IPO8: variants seen among roughly 807,000 people sequenced by gnomAD.
IPO8 encodes the protein importin 8, also known as importin-8.
Under a neutral mutation model 141.2 loss-of-function variants are expected in IPO8, and 65 were observed. That is an observed-to-expected ratio of 0.46 (90% CI 0.38 to 0.57). The LOEUF is 0.57. IPO8 is among the 20% of genes least tolerant of loss of function. The probability of loss-of-function intolerance (pLI) is 0.00; values close to 1 mark genes in which losing one functional copy is unlikely to be tolerated. For synonymous variants in IPO8, 411 were observed against 420.3 expected, an observed-to-expected ratio of 0.98 and a Z score of 0.27; for missense variants, 980 against 1,246.8, an observed-to-expected ratio of 0.79 and a Z score of 3.22.
chr12:30,634,024 A>T, intron 23 of IPO8, 59 bp downstream of exon 23: 1 of 1,470,528 alleles, frequency 6.8e-7, no homozygotes, highest in Non-Finnish European at 9.4e-7. Context: ...AAACAGGAAG[A>T]AATGAAGAAA....
intron 17 of IPO8, among the ~76,000 whole-genome samples, chr12:30,654,284 A>T (rs1351423863): frequency 6.6e-6 from 1 of 151,808 alleles, no homozygotes; most frequent in Non-Finnish European, 1.5e-5. Flanking sequence ...CTTCACGGAA[A>T]CTTGGAACAC....
chr12:30,669,266 A>C lies in IPO8; in HGVS notation c.1061T>G (p.Val354Gly). 1 of 1,569,692 alleles carries C rather than the reference A, an allele frequency of 6.4e-7. No individual in the cohort carries two copies. Among genetic ancestry groups the C allele is most frequent in the Non-Finnish European group, 8.7e-7 (1 of 1,154,664 alleles). The change falls in exon 10 of 25, where the codon GTG (valine) becomes GGG (glycine). Residue 354 changes from valine to glycine, a missense_variant. By Grantham distance (109) the Val-to-Gly change is moderately radical (BLOSUM62 -3). Coordinates refer to ENST00000256079, the MANE Select transcript of IPO8 (RefSeq NM_006390.4). ...TTTATAACACATCACAGAAAAAATC[A>C]CATCTTCAGAGATATTCTAAAATGA... ...KPHIQNISED[V>G]IFSVMCYKDE...
chr12:30,666,387 G>A (rs1565503230), intron 10 of IPO8, 136 bp from the exon 11 acceptor site: 6 of 513,178 alleles, frequency 1.2e-5, no homozygotes, highest in Non-Finnish European at 2.0e-5. Context: ...GTACTAAAAA[G>A]GTAAGGATAT....
At chr12:30,693,002 TG>T (rs2136178776) in intron 1 of IPO8, among the ~76,000 whole-genome samples, 1 of 152,344 alleles carries the variant, frequency 6.6e-6, no homozygotes, top group East Asian at 1.9e-4. Context: ...AATATTTCTG[TG>T]CTATTTACAT....
chr12:30,654,259 AAC>A (rs2052766765), intron 17 of IPO8, among the ~76,000 whole-genome samples: 2 of 152,162 alleles, frequency 1.3e-5, no homozygotes, highest in South Asian at 2.1e-4. Flanking sequence ...ACTAGAAAAA[AAC>A]ACAGGGGAAA....
chr12:30,694,784 T>C (rs1454561801), intron 1 of IPO8, among the ~76,000 whole-genome samples: 1 of 152,178 alleles, frequency 6.6e-6, no homozygotes, highest in African/African-American at 2.4e-5. Flanking sequence ...CCCTACTTTT[T>C]AGTAAGAGGT....
chr12:30,673,325 TTCC>T (rs2053077028), intron 8 of IPO8, among the ~76,000 whole-genome samples: 3 of 152,188 alleles, frequency 2.0e-5, no homozygotes, highest in Admixed American at 1.3e-4. Flanking sequence ...TAGTCTTTGC[TTCC>T]TCAATATGGT....
chr12:30,694,927 G>GT (rs2053322891), intron 1 of IPO8: 2 of 452,132 alleles, frequency 4.4e-6, no homozygotes, highest in African/African-American at 2.0e-5. Context: ...AGAAAAGAAA[G>GT]AAGTCTTACA....
intron 20 of IPO8, among the ~76,000 whole-genome samples, chr12:30,648,851 ATC>A (rs2052684612): frequency 6.6e-6 from 1 of 152,104 alleles, no homozygotes; most frequent in African/African-American, 2.4e-5. Flanking sequence ...GGAACATGAA[ATC>A]TCTGAGACTC....
intron 8 of IPO8, among the ~76,000 whole-genome samples, chr12:30,673,167 G>T (rs1042052321): frequency 6.6e-6 from 1 of 151,902 alleles, no homozygotes; most frequent in Non-Finnish European, 1.5e-5. Flanking sequence ...GCTGAGGCAG[G>T]AGAATTGCTT....
At chr12:30,633,986 A>G (rs2052467784) in intron 23 of IPO8, 97 bp downstream of exon 23, 3 of 1,114,734 alleles carry the variant, frequency 2.7e-6, no homozygotes, top group Admixed American at 2.6e-5. Flanking sequence ...TTTTTAAAAG[A>G]ACCTAGACCA....
Position 30,695,506 on chromosome 12 carries a change from G to C in IPO8, c.84+58C>G. 4.0e-6 allele frequency: 6 copies of C among 1,510,908 alleles called. No homozygotes were observed. The highest frequency in any genetic ancestry group is 5.5e-6 in the Non-Finnish European group (6 of 1,089,850). The allele number at this position is 1,510,908 out of a possible 1,614,324, so 93.6% of individuals were successfully genotyped here. On this transcript the variant is annotated intron_variant, in intron 1 of 24. Coordinates refer to ENST00000256079, the MANE Select transcript of IPO8 (RefSeq NM_006390.4). This position sits in a 1 kb window ranked among gnomAD's most constrained non-coding sequence, Gnocchi z 4.2. Reference sequence around the variant, plus strand: ...AGGGGCGCCGGGGAGAGGGAGCCCGGCCAGCCGGCAGGGGCGCCCCTTCGG... The same window carrying C: ...AGGGGCGCCGGGGAGAGGGAGCCCGCCCAGCCGGCAGGGGCGCCCCTTCGG...
At chr12:30,639,944 C>T (rs752086519) in intron 20 of IPO8, among the ~76,000 whole-genome samples, 9 of 152,144 alleles carry the variant, frequency 5.9e-5, no homozygotes, top group Non-Finnish European at 1.0e-4. Flanking sequence ...TATAGCAGTG[C>T]CAGAAAATCT....
chr12:30,645,874 A>C (rs2052638505), intron 20 of IPO8, among the ~76,000 whole-genome samples: 2 of 152,184 alleles, frequency 1.3e-5, no homozygotes, highest in South Asian at 4.1e-4. Flanking sequence ...ACCGAAAACA[A>C]AACAAAACAA....
chr12:30,671,674 CAAAAAAAAAAA>C (rs71052423), intron 8 of IPO8, among the ~76,000 whole-genome samples: 36 of 56,478 alleles, frequency 6.4e-4, no homozygotes, highest in Non-Finnish European at 9.8e-4. Context: ...GACTCTGCCT[CAAAAAAAAAAA>C]AAAAAAAAAA....
chr12:30,636,975 A>T lies in IPO8; in HGVS notation c.2695+7T>A, dbSNP rs745806071. 6.2e-7 allele frequency: 1 copy of T among 1,609,096 alleles called. No homozygotes were observed. Among genetic ancestry groups the T allele is most frequent in the South Asian group, 1.1e-5 (1 of 90,974 alleles). ...TTGTAACATTAATTTCAATTAGAAG[A>T]CTTTACCATTTTCTTCCATATCAGC... On this transcript the variant is annotated splice_region_variant and intron_variant, in intron 22 of 24. Coordinates refer to ENST00000256079, the MANE Select transcript of IPO8 (RefSeq NM_006390.4).
rs1403737379 is a variant in IPO8, at chr12:30,630,659, C to A, written c.*201G>T. ...TTGTTTTTCTTTCATTTCATACTTA[C>A]AGTAGCTGTTTAAAATATATATTTC... is the stretch of plus-strand genomic sequence containing the variant. On this transcript the variant is annotated 3_prime_UTR_variant, in exon 25 of 25. Coordinates refer to ENST00000256079, the MANE Select transcript of IPO8 (RefSeq NM_006390.4). 10 of 529,742 alleles carry A rather than the reference C, an allele frequency of 1.9e-5. No homozygotes were observed. The highest frequency in any genetic ancestry group is 3.0e-5 in the Non-Finnish European group (9 of 301,528). 32.8% of individuals were successfully genotyped at this position (529,742 alleles called of 1,614,324 possible). A position where few individuals can be genotyped will look rare whatever the true frequency, so the allele number is the denominator to read the frequency against.
intron 19 of IPO8, among the ~76,000 whole-genome samples, chr12:30,650,905 T>G (rs1001796448): frequency 2.0e-5 from 3 of 152,156 alleles, no homozygotes; most frequent in South Asian, 4.1e-4. Flanking sequence ...TGTGATACCT[T>G]CCTCATACTG....
intron 2 of IPO8, among the ~76,000 whole-genome samples, chr12:30,687,597 T>C (rs972489443): frequency 6.6e-6 from 1 of 152,050 alleles, no homozygotes; most frequent in Non-Finnish European, 1.5e-5. Flanking sequence ...CTTATTACTC[T>C]GTGAAAGGCT....
Sources: allele counts gnomAD v4.1 joint callset (sites outside exome capture counted in the v4.1 genomes callset), GRCh38; gene constraint gnomAD v4.1.1; non-coding constraint Gnocchi (gnomAD v3.1); transcripts MANE v1.5; gene names NCBI Gene and HGNC (gene_info 2026-07-23, HGNC 2026-07-21).